Variants in BANP observed in about 807,000 individuals in gnomAD.
BANP encodes the protein protein BANP.
BANP carries 11 observed loss-of-function variants against 68.1 expected under a neutral mutation model. The ratio of observed to expected loss-of-function variants is 0.16; its 90% confidence interval spans 0.10 to 0.27. The LOEUF is 0.27. Among genes scored for constraint, BANP ranks in the 10% least tolerant of loss-of-function variants. The pLI is 1.00. For synonymous variants in BANP, 329 were observed against 303.2 expected (o/e 1.09, Z -0.88); for missense variants, 504 against 722.7 (o/e 0.70, Z 3.47).
intron 12 of BANP, among the ~76,000 whole-genome samples, chr16:88,069,118 G>A (rs930479098): frequency 3.9e-5 from 6 of 152,174 alleles, no homozygotes; most frequent in Non-Finnish European, 5.9e-5. Context: ...TGTTCTCATC[G>A]TCAGGCTGGG....
chr16:88,035,177 C>A, intron 9 of BANP, 146 bp from the exon 10 acceptor site: 2 of 770,568 alleles, frequency 2.6e-6, no homozygotes, highest in South Asian at 3.6e-5. Flanking sequence ...AAAGAAGTGA[C>A]CACAGACTAT....
Position 88,072,129 on chromosome 16 carries a change from G to T in BANP, c.1438G>T (p.Asp480Tyr). ...CTCGGACCCCGCGGCGGCGGGCGTG[G>T]ATGGGTCGCCACTCCAGGGCAGCGA... ...ASSDPAAAGV[D>Y]GSPLQGSDIQ... Residue 480 changes from aspartate (D) to tyrosine (Y), a missense_variant, in exon 13 of 14, where the codon GAT (aspartate) becomes TAT (tyrosine). Transcript: ENST00000682872. 1 of 1,609,740 alleles carries T rather than the reference G, an allele frequency of 6.2e-7. No homozygotes were observed. Among genetic ancestry groups the T allele is most frequent in the South Asian group, 1.1e-5 (1 of 90,608 alleles).
At chr16:87,966,290 C>T (rs4843289) in intron 1 of BANP, among the ~76,000 whole-genome samples, 21,298 of 152,144 alleles carry the variant, frequency 0.14, 1,625 homozygotes, top group South Asian at 0.26. Flanking sequence ...CTGAGCCCTG[C>T]ATCTCTTGGT....
At chr16:88,042,524 C>T (rs2081077972) in intron 11 of BANP, among the ~76,000 whole-genome samples, 1 of 152,248 alleles carries the variant, frequency 6.6e-6, no homozygotes, top group African/African-American at 2.4e-5. Context: ...CCTCTAGGTG[C>T]ACATGCTGTC....
chr16:87,965,295 G>A (rs1050078782), intron 1 of BANP, among the ~76,000 whole-genome samples: 1 of 152,202 alleles, frequency 6.6e-6, no homozygotes, highest in Non-Finnish European at 1.5e-5. Context: ...ACAGCCCGAT[G>A]GGTGGGATCT....
At position 87,975,052 on chromosome 16, in the gene BANP, C is replaced by A; in HGVS notation, c.-64C>A. On this transcript the variant is annotated 5_prime_UTR_variant, in exon 2 of 14. Coordinates refer to ENST00000682872, the MANE Select transcript of BANP (RefSeq NM_001386991.1). ...TCCTTTGCTTCTGTTTGGTAGGTGA[C>A]CAAAAGCCAGCCCCACTGTGAGTTG... 6.8e-7 allele frequency: 1 copy of A among 1,474,548 alleles called. No homozygotes were observed. The highest frequency in any genetic ancestry group is 9.5e-7 in the Non-Finnish European group (1 of 1,056,374). The allele number at this position is 1,474,548 out of a possible 1,614,324, so 91.3% of individuals were successfully genotyped here. A position where few individuals can be genotyped will look rare whatever the true frequency, so the allele number is the denominator to read the frequency against.
chr16:88,008,043 C>T (rs2071782698), intron 6 of BANP, among the ~76,000 whole-genome samples: 2 of 152,322 alleles, frequency 1.3e-5, no homozygotes, highest in East Asian at 3.9e-4. Context: ...TTCTCCCAGC[C>T]TCCAGCCCCG....
intron 3 of BANP, among the ~76,000 whole-genome samples, 167 bp downstream of exon 3, chr16:87,981,294 A>G (rs1056272558): frequency 6.6e-5 from 10 of 152,342 alleles, no homozygotes; most frequent in African/African-American, 2.4e-4. Flanking sequence ...CAAAGGTTCT[A>G]GAAGGTGGAT....
intron 8 of BANP, among the ~76,000 whole-genome samples, chr16:88,029,032 C>T (rs959160900): frequency 6.6e-5 from 10 of 152,290 alleles, no homozygotes; most frequent in African/African-American, 2.4e-4. Flanking sequence ...GGAGCCCAGG[C>T]GTGGTGGCTC....
At chr16:88,063,252 C>T (rs1036060467) in intron 11 of BANP, among the ~76,000 whole-genome samples, 1 of 152,240 alleles carries the variant, frequency 6.6e-6, no homozygotes, top group African/African-American at 2.4e-5. Context: ...AGGCCCAGTG[C>T]CTCGGCTTTC....
rs115223847 is a variant in BANP at position 87,955,603 on chromosome 16, C to T, written c.-69+4088C>T. 3.7e-3 allele frequency among the ~76,000 whole-genome samples: 570 copies of T among 152,250 alleles called. 4 individuals carry two copies. Among genetic ancestry groups the T allele is most frequent in the African/African-American group, 0.013 (544 of 41,532 alleles). On this transcript the variant is annotated intron_variant, in intron 1 of 13. Coordinates refer to ENST00000682872, the MANE Select transcript of BANP (RefSeq NM_001386991.1). ...TCCCCTCCGGGACCCCACACTGGTG[C>T]GTGTGGCCGCCCTGTCTCCTTAATG...
At chr16:87,994,163 C>CACAATG (rs2066605275) in intron 4 of BANP, among the ~76,000 whole-genome samples, 1 of 152,210 alleles carries the variant, frequency 6.6e-6, no homozygotes, top group Admixed American at 6.5e-5. Flanking sequence ...GGCGGCTTTT[C>CACAATG]AGCCAAACAT....
At chr16:88,068,065 C>T (rs1336170923) in intron 12 of BANP, among the ~76,000 whole-genome samples, 1 of 152,206 alleles carries the variant, frequency 6.6e-6, no homozygotes, top group East Asian at 1.9e-4. Context: ...CTGCGTGTGG[C>T]CACGCACTTC....
At position 88,055,123 on chromosome 16, in the gene BANP, CT is replaced by C. The variant is rs199560684; in HGVS notation, c.1312-10133del. On this transcript the variant is annotated intron_variant, in intron 11 of 13. Transcript: ENST00000682872. Reference sequence around the variant, plus strand: ...TACTTTTTTTTTGCCCTTTTTTGCCCTTTTTTTTTTTAAACAGATGTAGCTA... The same window carrying C: ...TACTTTTTTTTTGCCCTTTTTTGCCCTTTTTTTTTTAAACAGATGTAGCTA... Among the ~76,000 whole-genome samples the C allele has an allele frequency of 5.3e-3, 769 of 144,628 alleles. 5 individuals carry two copies. The highest frequency in any genetic ancestry group is 0.016 in the African/African-American group (630 of 39,548). 94.9% of individuals were successfully genotyped at this position (144,628 alleles called of 152,430 possible).
In BANP at chr16:88,076,683, G is replaced by T. The variant is rs910064044; in HGVS notation, c.*22G>T. 1.3e-6 allele frequency: 2 copies of T among 1,597,466 alleles called. No individual in the cohort carries two copies. The highest frequency in any genetic ancestry group is 1.1e-5 in the South Asian group (1 of 90,470). On this transcript the variant is annotated 3_prime_UTR_variant, in exon 14 of 14. Coordinates refer to ENST00000682872, the MANE Select transcript of BANP (RefSeq NM_001386991.1). The stretch of plus-strand genomic sequence containing the variant: ...GTGAGCGGTGCCCATGGCACCAGGA[G>T]CCCCTCGCCGGCTCCGCCTACGGCC...
intron 13 of BANP, among the ~76,000 whole-genome samples, chr16:88,072,786 G>A (rs1446339335): frequency 6.6e-6 from 1 of 152,228 alleles, no homozygotes; most frequent in African/African-American, 2.4e-5. Flanking sequence ...GCCGTGGGCT[G>A]TTTGCTCTGA....
chr16:87,971,284 G>A (rs1367762987), intron 1 of BANP, among the ~76,000 whole-genome samples: 3 of 146,412 alleles, frequency 2.0e-5, no homozygotes, highest in African/African-American at 7.5e-5. Context: ...TCAGTCCTGC[G>A]TGGAGATAGG....
intron 1 of BANP, among the ~76,000 whole-genome samples, chr16:87,969,677 C>T (rs934465752): frequency 6.6e-6 from 1 of 151,868 alleles, no homozygotes; most frequent in African/African-American, 2.4e-5. Flanking sequence ...GGATTACAGG[C>T]ACGCGCCGCC....
chr16:88,047,390 C>T (rs988570069), intron 11 of BANP, among the ~76,000 whole-genome samples: 1 of 152,188 alleles, frequency 6.6e-6, no homozygotes, highest in Admixed American at 6.5e-5. Context: ...TTTTCATGCA[C>T]GTCAGTGAAT....
Sources: allele counts gnomAD v4.1 joint callset (sites outside exome capture counted in the v4.1 genomes callset), GRCh38; gene constraint gnomAD v4.1.1; transcripts MANE v1.5; gene names NCBI Gene and HGNC (gene_info 2026-07-23, HGNC 2026-07-21).